AHRR: variants seen among roughly 807,000 people sequenced by gnomAD.
AHRR encodes aryl hydrocarbon receptor repressor.
Under a neutral mutation model 44.0 loss-of-function variants are expected in AHRR, and 28 were observed. The ratio of observed to expected loss-of-function variants is 0.64; its 90% confidence interval spans 0.47 to 0.87. The LOEUF is 0.87. Among genes scored for constraint, AHRR ranks in the 40% least tolerant of loss-of-function variants. The probability of loss-of-function intolerance (pLI) is 0.00; values close to 1 mark genes in which losing one functional copy is unlikely to be tolerated. For synonymous variants in AHRR, 434 were observed against 407.0 expected, an observed-to-expected ratio of 1.07 and a Z score of -0.80; for missense variants, 990 against 953.9, an observed-to-expected ratio of 1.04 and a Z score of -0.50.
At chr5:374,869 C>T (rs990903994) in intron 3 of AHRR, among the ~76,000 whole-genome samples, 25 of 152,224 alleles carry the variant, frequency 1.6e-4, no homozygotes, top group Non-Finnish European at 2.8e-4. Context: ...CAGCCGGTTC[C>T]GGGGTCCTGG....
At chr5:359,824 A>G (rs1303277045) in intron 3 of AHRR, among the ~76,000 whole-genome samples, 7 of 152,180 alleles carry the variant, frequency 4.6e-5, no homozygotes, top group Non-Finnish European at 1.5e-5. Flanking sequence ...CCACAGCGCC[A>G]CGAGGTGTCC....
intron 3 of AHRR, among the ~76,000 whole-genome samples, chr5:356,531 G>A (rs1185773432): frequency 1.7e-5 from 2 of 119,726 alleles, no homozygotes; most frequent in East Asian, 4.7e-4. Flanking sequence ...CTGAGGAAGA[G>A]CGCCCGGGAG....
In AHRR at chr5:338,336, G is replaced by A. The variant is rs1343736917; in HGVS notation, c.-10-5557G>A. Among the ~76,000 whole-genome samples the A allele has an allele frequency of 6.6e-6, 1 of 152,170 alleles. No individual in the cohort carries two copies. Among genetic ancestry groups the A allele is most frequent in the Non-Finnish European group, 1.5e-5 (1 of 68,028 alleles). The stretch of plus-strand genomic sequence containing the variant: ...TGTTTCTTATAGTGTGGGTCAGCTA[G>A]TGATGATTTCTTTCAGTTTTTGTGC... On this transcript the variant is annotated intron_variant, in intron 1 of 10. Transcript: ENST00000684583. The surrounding 1 kb of genome is among the most constrained non-coding windows in gnomAD (Gnocchi z 4.1).
At position 338,249 on chromosome 5, in the gene AHRR, G is replaced by A. The variant is rs1398394642; in HGVS notation, c.-10-5644G>A. ...TCACCCTCTAGTAGTCAGTTCTTGC[G>A]CTTTTTGTGCCATGTTGTAGACCCA... On this transcript the variant is annotated intron_variant, in intron 1 of 10. Coordinates refer to ENST00000684583, the MANE Select transcript of AHRR (RefSeq NM_001377236.1). The surrounding 1 kb of genome is among the most constrained non-coding windows in gnomAD (Gnocchi z 4.1). 6.6e-6 allele frequency among the ~76,000 whole-genome samples: 1 copy of A among 152,230 alleles called. No homozygotes were observed. Among genetic ancestry groups the A allele is most frequent in the Middle Eastern group, 3.4e-3 (1 of 294 alleles).
chr5:341,584 C>T (rs1388573998), intron 1 of AHRR, among the ~76,000 whole-genome samples: 1 of 142,684 alleles, frequency 7.0e-6, no homozygotes. Flanking sequence ...TGGAGTGCAG[C>T]GGTGTTGGCT....
At chr5:374,643 AGAGAC>A (rs1447609818) in intron 3 of AHRR, among the ~76,000 whole-genome samples, 2 of 152,350 alleles carry the variant, frequency 1.3e-5, no homozygotes, top group Non-Finnish European at 2.9e-5. Context: ...ATGAGGGCTC[AGAGAC>A]CAGGGAGGGA....
intron 5 of AHRR, chr5:421,176 G>A (rs1436890559): frequency 8.4e-6 from 5 of 598,044 alleles, no homozygotes; most frequent in Admixed American, 3.0e-5. Flanking sequence ...TCTGGCGCCC[G>A]GCTGGTGCCG....
intron 8 of AHRR, among the ~76,000 whole-genome samples, chr5:428,910 A>C (rs1481997846): frequency 6.6e-6 from 1 of 150,910 alleles, no homozygotes; most frequent in Non-Finnish European, 1.5e-5. Context: ...CTGAGCTGAC[A>C]GGCAGTGGAG....
At chr5:376,557 A>AACGCGGGGAAACACAT in intron 3 of AHRR, 53 bp from the exon 4 acceptor site, 1 of 1,423,184 alleles carries the variant, frequency 7.0e-7, no homozygotes, top group Non-Finnish European at 9.5e-7. Flanking sequence ...AATGAAGAAG[A>AACGCGGGGAAACACAT]GTGGCCAGGC....
rs755907849 is a variant in AHRR at position 432,956 on chromosome 5, T to G, written c.1112+9T>G. 3.2e-6 allele frequency: 5 copies of G among 1,583,070 alleles called. No homozygotes were observed. Among genetic ancestry groups the G allele is most frequent in the Non-Finnish European group, 4.3e-6 (5 of 1,163,936 alleles). On this transcript the variant is annotated intron_variant, in intron 10 of 10. Transcript: ENST00000684583. ...CCCAAGGGGGGCTCAGGGTAAGTGG[T>G]GCCAGGCAGCCTCCCCCAGCCCTGG... is the stretch of plus-strand genomic sequence containing the variant.
At chr5:324,720 T>C (rs990936847) in intron 1 of AHRR, among the ~76,000 whole-genome samples, 1 of 151,710 alleles carries the variant, frequency 6.6e-6, no homozygotes, top group African/African-American at 2.4e-5. Context: ...ACCTGGGAGG[T>C]GGAGGTTGTG....
chr5:382,109 C>A (rs1361127855), intron 4 of AHRR, among the ~76,000 whole-genome samples: 1 of 152,118 alleles, frequency 6.6e-6, no homozygotes, highest in Non-Finnish European at 1.5e-5. Context: ...ATGAGAAATA[C>A]TTTTTGTGGT....
chr5:344,948 G>GGGGAGCTGTGTGTGTGTGGGT (rs1742556013), intron 2 of AHRR, among the ~76,000 whole-genome samples: 5 of 82,256 alleles, frequency 6.1e-5, no homozygotes, highest in Non-Finnish European at 1.3e-4. Flanking sequence ...GTGTGGGGGG[G>GGGGAGCTGTGTGTGTGTGGGT]GTGTGTGTGT....
At chr5:363,894 A>C (rs569766746) in intron 3 of AHRR, among the ~76,000 whole-genome samples, 9 of 152,338 alleles carry the variant, frequency 5.9e-5, no homozygotes, top group Non-Finnish European at 1.0e-4. Context: ...AGAATTTCAC[A>C]TGGGAACAAT....
chr5:344,501 TG>T (rs1270669653), intron 2 of AHRR, among the ~76,000 whole-genome samples: 1 of 1,678 alleles, frequency 6.0e-4, no homozygotes, highest in Admixed American at 5.7e-3. Context: ...TGTGTGTGTG[TG>T]GGTGTGTGTG....
intron 4 of AHRR, among the ~76,000 whole-genome samples, chr5:389,800 G>T (rs1734331529): frequency 6.6e-6 from 1 of 151,488 alleles, no homozygotes; most frequent in Non-Finnish European, 1.5e-5. Context: ...AAGGAAAGAG[G>T]CCACCGTGAA....
chr5:401,615 G>A (rs1294362698), intron 4 of AHRR, among the ~76,000 whole-genome samples: 1 of 152,224 alleles, frequency 6.6e-6, no homozygotes, highest in African/African-American at 2.4e-5. Flanking sequence ...GCAGGCGGAT[G>A]CGGCGGCGAA....
intron 3 of AHRR, among the ~76,000 whole-genome samples, chr5:361,064 G>A (rs982764614): frequency 2.0e-5 from 3 of 152,032 alleles, no homozygotes; most frequent in Admixed American, 6.6e-5. Flanking sequence ...GCCTGGCCAA[G>A]ATGGTGAAAC....
At chr5:323,092 C>T (rs1264452511) in intron 1 of AHRR, among the ~76,000 whole-genome samples, 1 of 152,206 alleles carries the variant, frequency 6.6e-6, no homozygotes, top group Non-Finnish European at 1.5e-5. Context: ...AGGAGTCTGT[C>T]GAGGCCCCAC....
Sources: allele counts gnomAD v4.1 joint callset (sites outside exome capture counted in the v4.1 genomes callset), GRCh38; gene constraint gnomAD v4.1.1; non-coding constraint Gnocchi (gnomAD v3.1); transcripts MANE v1.5; gene names NCBI Gene and HGNC (gene_info 2026-07-23, HGNC 2026-07-21).